VIT: variants seen among roughly 807,000 people sequenced by gnomAD.
VIT encodes the protein vitrin.
A neutral mutation model predicts 78.0 loss-of-function variants in VIT; 99 were observed. That is an observed-to-expected ratio of 1.27 (90% confidence interval 1.08 to 1.50). VIT has a LOEUF of 1.50. Among genes scored for constraint, VIT ranks in the 40% most tolerant of loss-of-function variants. The probability of loss-of-function intolerance (pLI) is 0.00; values close to 1 mark genes in which losing one functional copy is unlikely to be tolerated. For missense variants in VIT, 1,126 were observed against 875.3 expected (o/e 1.29, Z -3.61); for synonymous variants, 374 against 334.3 (o/e 1.12, Z -1.29).
chr2:36,759,057 A>G lies in VIT; in HGVS notation c.487+11A>G. The G allele has an allele frequency of 4.3e-6, 7 of 1,614,132 alleles. No homozygotes were observed. The highest frequency in any genetic ancestry group is 5.9e-6 in the Non-Finnish European group (7 of 1,180,036). ...CAGCTGCCCAAGCAGGCAAGTGCTC[A>G]CGTGTGATTGAATCTAAACCTTCTG... is the stretch of plus-strand genomic sequence containing the variant. On this transcript the variant is annotated intron_variant, in intron 6 of 15. Coordinates refer to ENST00000379242, the MANE Select transcript of VIT (RefSeq NM_053276.4).
rs1207606522 is a variant in VIT, at chr2:36,801,314, A to T, written c.1072A>T (p.Thr358Ser). The T allele has an allele frequency of 6.2e-7, 1 of 1,614,050 alleles. No individual in the cohort carries two copies. Among genetic ancestry groups the T allele is most frequent in the Admixed American group, 1.7e-5 (1 of 60,018 alleles). Residue 358 changes from threonine (T) to serine (S), a missense_variant, in exon 13 of 16, where the codon ACT becomes TCT. Physicochemically the swap from Thr to Ser is moderately conservative, Grantham distance 58. Transcript: ENST00000379242. ...GVVQYGDNPATHFNLKTHTNS... is the reference protein window; with the variant it reads ...GVVQYGDNPASHFNLKTHTNS... ...CTGACTCTTCAGAGACAACCCTGCT[A>T]CTCACTTTAACCTCAAGACACACAC... is the stretch of plus-strand genomic sequence containing the variant.
chr2:36,813,817 T>C (rs865871977), intron 15 of VIT, among the ~76,000 whole-genome samples: 2 of 152,168 alleles, frequency 1.3e-5, no homozygotes, highest in Non-Finnish European at 2.9e-5. Context: ...CCCCAAAAGT[T>C]TCACTTGTCC....
rs148014269 is a variant in VIT, at chr2:36,808,509, T to C, written c.1427T>C (p.Val476Ala). 6.5e-5 allele frequency: 105 copies of C among 1,613,060 alleles called. 2 individuals are homozygous for C. The East Asian group carries it at 2.3e-3, about 36-fold the overall frequency. Residue 476 changes from valine (V) to alanine (A), a missense_variant, in exon 15 of 16, where the codon GTG becomes GCG. Physicochemically the swap from Val to Ala is moderately conservative, Grantham distance 64. Coordinates refer to ENST00000379242, the MANE Select transcript of VIT (RefSeq NM_053276.4). Reference protein sequence around the residue: ...CRTNGFYSLHVQSWFGLHKTL... With the variant: ...CRTNGFYSLHAQSWFGLHKTL... ...ACAAACGGCTTCTACTCGCTCCACG[T>C]GCAGAGCTGGTTTGGCCTCCACAAG... is the stretch of plus-strand genomic sequence containing the variant.
intron 1 of VIT, among the ~76,000 whole-genome samples, chr2:36,700,903 A>G (rs936558938): frequency 2.6e-5 from 4 of 152,098 alleles, no homozygotes; most frequent in Non-Finnish European, 5.9e-5. Context: ...AAACGAAGGC[A>G]CTGATAAGTT....
intron 3 of VIT, among the ~76,000 whole-genome samples, chr2:36,731,260 G>C (rs1403931088): frequency 1.3e-5 from 2 of 151,944 alleles, no homozygotes; most frequent in African/African-American, 4.8e-5. Flanking sequence ...AGTGGGAAAT[G>C]TCTTCATTTT....
chr2:36,719,643 T>C (rs1666370890), intron 2 of VIT, among the ~76,000 whole-genome samples: 1 of 152,174 alleles, frequency 6.6e-6, no homozygotes. Flanking sequence ...TTGAAAATTA[T>C]AAAACGTTGA....
chr2:36,770,858 C>G (rs1391753231), intron 7 of VIT, among the ~76,000 whole-genome samples: 1 of 152,186 alleles, frequency 6.6e-6, no homozygotes, highest in Non-Finnish European at 1.5e-5. Flanking sequence ...TGTCCACAAC[C>G]AAGGGTAGAC....
chr2:36,748,314 A>G (rs1668259906), intron 4 of VIT, among the ~76,000 whole-genome samples: 1 of 152,156 alleles, frequency 6.6e-6, no homozygotes. Context: ...ATATCCTCAA[A>G]TATCTTTTCT....
chr2:36,756,863 ATCCAAGAATC>A (rs1185456541), intron 5 of VIT, among the ~76,000 whole-genome samples: 3 of 152,248 alleles, frequency 2.0e-5, no homozygotes, highest in Non-Finnish European at 4.4e-5. Flanking sequence ...TCAGTCTGCA[ATCCAAGAATC>A]TCAACAGAGG....
rs550085374 is a variant in VIT, at chr2:36,791,413, C to T, written c.1058+4137C>T. 1.2e-4 allele frequency among the ~76,000 whole-genome samples: 19 copies of T among 152,232 alleles called. No individual in the cohort carries two copies. The South Asian group carries it at 2.1e-3, about 17-fold the overall frequency. On this transcript the variant is annotated intron_variant, in intron 12 of 15. Transcript: ENST00000379242. ...GGTATGTTAGGCAAAATAATGACCC[C>T]GAAGTTGTCAATGTCCAAATCCCTG...
chr2:36,713,840 T>C (rs933304140), intron 1 of VIT, among the ~76,000 whole-genome samples: 3 of 152,230 alleles, frequency 2.0e-5, no homozygotes, highest in East Asian at 1.9e-4. Flanking sequence ...GTGGGTCCGA[T>C]AGGACAACTT....
At chr2:36,807,548 T>C (rs1187698912) in intron 14 of VIT, among the ~76,000 whole-genome samples, 2 of 152,348 alleles carry the variant, frequency 1.3e-5, no homozygotes, top group East Asian at 3.9e-4. Flanking sequence ...AAAAATATTT[T>C]CCAGGAAAGT....
At chr2:36,801,925 AG>A (rs1458263404) in intron 13 of VIT, among the ~76,000 whole-genome samples, 1 of 152,186 alleles carries the variant, frequency 6.6e-6, no homozygotes, top group Non-Finnish European at 1.5e-5. Flanking sequence ...AGCATTCTTC[AG>A]GGCAATCAAG....
intron 1 of VIT, among the ~76,000 whole-genome samples, chr2:36,715,287 T>G (rs1228255486): frequency 6.6e-6 from 1 of 152,024 alleles, no homozygotes; most frequent in African/African-American, 2.4e-5. Flanking sequence ...TGCCTGTAAT[T>G]CCAGCACTTT....
chr2:36,697,742 A>G (rs1424216414), intron 1 of VIT, among the ~76,000 whole-genome samples: 1 of 152,264 alleles, frequency 6.6e-6, no homozygotes, highest in Non-Finnish European at 1.5e-5. Flanking sequence ...TTTTCTCCAA[A>G]CAACCCACAG....
In VIT at chr2:36,729,511, C is replaced by CT. The variant is rs751877068; in HGVS notation, c.118+22dup. ...AGTTCAGTAAGTAAAATCACAATTCCTTGCTGGCATAATGCTTGTTTCTCC... is the reference window on the plus strand; with the variant it reads ...AGTTCAGTAAGTAAAATCACAATTCCTTTGCTGGCATAATGCTTGTTTCTCC... On this transcript the variant is annotated intron_variant, in intron 3 of 15. Coordinates refer to ENST00000379242, the MANE Select transcript of VIT (RefSeq NM_053276.4). The CT allele has an allele frequency of 1.4e-5, 22 of 1,602,768 alleles. No homozygotes were observed. The Admixed American group carries it at 3.8e-4, about 27-fold the overall frequency.
At chr2:36,765,051 C>T (rs570292850) in intron 6 of VIT, among the ~76,000 whole-genome samples, 11 of 152,152 alleles carry the variant, frequency 7.2e-5, no homozygotes, top group African/African-American at 2.7e-4. Flanking sequence ...ATATCCATGT[C>T]CTAATCCCTG....
Position 36,729,466 on chromosome 2 carries a change from AAAG to A in VIT, c.98_100del (p.Lys33del), listed in dbSNP as rs1419635735. On this transcript the variant is annotated inframe_deletion, in exon 3 of 16. Transcript: ENST00000379242. ...GAGTACATTCAAACAAAGAAACGGC[AAAG>A]AAGATTAAAAGGCCCAAGTTCAGTA... is the stretch of plus-strand genomic sequence containing the variant. 11 of 1,609,382 alleles carry A rather than the reference AAAG, an allele frequency of 6.8e-6. No individual in the cohort carries two copies. The highest frequency in any genetic ancestry group is 9.3e-6 in the Non-Finnish European group (11 of 1,178,070).
At chr2:36,725,007 G>C (rs1666744841) in intron 2 of VIT, among the ~76,000 whole-genome samples, 3 of 152,158 alleles carry the variant, frequency 2.0e-5, no homozygotes, top group Non-Finnish European at 4.4e-5. Context: ...TCTTTGCACA[G>C]TTAATTGACA....
Sources: gnomAD v4.1 joint callset for allele counts (sites outside exome capture counted in the v4.1 genomes callset) on GRCh38, gnomAD v4.1.1 for gene constraint, MANE v1.5 for transcripts, NCBI Gene and HGNC (gene_info 2026-07-23, HGNC 2026-07-21) for gene names.